The following AMZ2 variants were observed in gnomAD, a reference collection of about 807,000 sequenced individuals.
AMZ2 encodes the protein archaemetzincin-2.
A neutral mutation model predicts 36.7 loss-of-function variants in AMZ2; 26 were observed. The observed-to-expected ratio is 0.71, with a 90% CI of 0.52 to 0.98. The LOEUF is 0.98. AMZ2 is among the 50% of genes least tolerant of loss of function. AMZ2 has a pLI of 0.00. For missense variants in AMZ2, 394 were observed against 430.5 expected (o/e 0.92, Z 0.75); for synonymous variants, 144 against 149.1 (o/e 0.97, Z 0.25).
chr17:68,217,163 A>C (rs1373165166), intron 1 of AMZ2, among the ~76,000 whole-genome samples: 1 of 152,220 alleles, frequency 6.6e-6, no homozygotes. Flanking sequence ...GCATTCAGGG[A>C]AGCAAAATAT....
chr17:68,229,940 A>C (rs2073618338), intron 1 of AMZ2, among the ~76,000 whole-genome samples: 1 of 152,210 alleles, frequency 6.6e-6, no homozygotes, highest in Non-Finnish European at 1.5e-5. Flanking sequence ...CAGGAAAGTA[A>C]GGCCCGTTAC....
intron 1 of AMZ2, chr17:68,207,314 C>CCT (rs1260261069): frequency 6.2e-5 from 1 of 16,140 alleles, no homozygotes; most frequent in African/African-American, 5.0e-4. Context: ...TTGTTAAATA[C>CCT]CCCCCCCCCA....
At chr17:68,209,604 G>GTGTGTATATATATA (rs1324576987) in intron 1 of AMZ2, among the ~76,000 whole-genome samples, 7 of 117,766 alleles carry the variant, frequency 5.9e-5, no homozygotes, top group African/African-American at 2.5e-4. Flanking sequence ...GTGTGTGTGT[G>GTGTGTATATATATA]TATATGTATA....
At chr17:68,212,195 A>G (rs1392716092) in intron 1 of AMZ2, among the ~76,000 whole-genome samples, 1 of 152,020 alleles carries the variant, frequency 6.6e-6, no homozygotes, top group Non-Finnish European at 1.5e-5. Flanking sequence ...ACATATCGAC[A>G]CCCCCTTTTC....
intron 6 of AMZ2, 22 bp from the exon 7 acceptor site, chr17:68,256,792 C>A (rs537501863): frequency 5.6e-6 from 9 of 1,607,094 alleles, no homozygotes; most frequent in Non-Finnish European, 6.8e-6. Context: ...TGTTGAAGTG[C>A]GCATCTTTCA....
At chr17:68,247,812 C>T, upstream of AMZ2, 2 of 985,574 alleles carry the variant, frequency 2.0e-6, no homozygotes, top group Non-Finnish European at 2.4e-6. Context: ...AGCGAGGAAT[C>T]GGCGACTGCG....
chr17:68,230,847 T>C (rs2073642968), intron 1 of AMZ2, among the ~76,000 whole-genome samples: 1 of 152,076 alleles, frequency 6.6e-6, no homozygotes, highest in Admixed American at 6.5e-5. Flanking sequence ...CTCAGTGAAG[T>C]TTTTAGTTTA....
At chr17:68,212,857 C>T (rs1304518365) in intron 1 of AMZ2, among the ~76,000 whole-genome samples, 5 of 152,136 alleles carry the variant, frequency 3.3e-5, no homozygotes, top group African/African-American at 7.2e-5. Context: ...AGTGAGCCAT[C>T]GCACCTGGCC....
chr17:68,211,720 ATATGTATATGTATATATG>A (rs2073054797), intron 1 of AMZ2, among the ~76,000 whole-genome samples: 1 of 140,450 alleles, frequency 7.1e-6, no homozygotes, highest in South Asian at 2.2e-4. Flanking sequence ...ATATGTATAT[ATATGTATATGTATATATG>A]TGTATATGTA....
chr17:68,230,721 G>C (rs1297971582), intron 1 of AMZ2, among the ~76,000 whole-genome samples: 1 of 152,172 alleles, frequency 6.6e-6, no homozygotes, highest in Non-Finnish European at 1.5e-5. Context: ...TGCCATGGGG[G>C]CATCTTGGAG....
At chr17:68,242,264 T>C (rs1555734189) in intron 1 of AMZ2, among the ~76,000 whole-genome samples, 1 of 152,206 alleles carries the variant, frequency 6.6e-6, no homozygotes, top group East Asian at 1.9e-4. Context: ...GTCATTTGTA[T>C]ATTTAGGAAT....
intron 4 of AMZ2, 120 bp downstream of exon 4, chr17:68,251,298 A>G: frequency 2.0e-6 from 2 of 1,012,158 alleles, no homozygotes; most frequent in Non-Finnish European, 2.8e-6. Context: ...TTTTCAGTTG[A>G]GACATTATGC....
At chr17:68,209,283 T>C (rs2072943655) in intron 1 of AMZ2, among the ~76,000 whole-genome samples, 1 of 151,244 alleles carries the variant, frequency 6.6e-6, no homozygotes, top group Non-Finnish European at 1.5e-5. Context: ...AACCTCCACC[T>C]CCTGTGCTTA....
At chr17:68,243,925 G>A (rs372619569), upstream of AMZ2, among the ~76,000 whole-genome samples, 1 of 152,290 alleles carries the variant, frequency 6.6e-6, no homozygotes, top group African/African-American at 2.4e-5. Flanking sequence ...ACCCAGGTAG[G>A]TAACTGGGTT....
chr17:68,210,829 T>C (rs529622950), intron 1 of AMZ2, among the ~76,000 whole-genome samples: 5 of 151,654 alleles, frequency 3.3e-5, no homozygotes, highest in Non-Finnish European at 7.4e-5. Context: ...GTGCCTGTGG[T>C]CCTAGTTACT....
At chr17:68,239,775 A>G (rs1213142156) in intron 1 of AMZ2, among the ~76,000 whole-genome samples, 3 of 150,306 alleles carry the variant, frequency 2.0e-5, no homozygotes. Context: ...GCCTCTGAGA[A>G]TAAGCCACAT....
At chr17:68,215,973 C>G (rs1175562006) in intron 1 of AMZ2, among the ~76,000 whole-genome samples, 7 of 152,086 alleles carry the variant, frequency 4.6e-5, no homozygotes, top group Non-Finnish European at 1.0e-4. Context: ...TTTCAGAGAC[C>G]TGTAAAAAGA....
chr17:68,253,353 A>T (rs1270053568), intron 4 of AMZ2, among the ~76,000 whole-genome samples: 2 of 152,246 alleles, frequency 1.3e-5, no homozygotes, highest in African/African-American at 2.4e-5. Context: ...TAAAAACTGA[A>T]CGAGAGACAT....
At chr17:68,207,913 T>C (rs1434734922) in intron 1 of AMZ2, among the ~76,000 whole-genome samples, 2 of 151,922 alleles carry the variant, frequency 1.3e-5, no homozygotes, top group African/African-American at 4.8e-5. Context: ...CCAGCGTGAG[T>C]TCCCAGTGGG....
Sources: gnomAD v4.1 joint callset for allele counts (sites outside exome capture counted in the v4.1 genomes callset) on GRCh38, gnomAD v4.1.1 for gene constraint, MANE v1.5 for transcripts, NCBI Gene and HGNC (gene_info 2026-07-23, HGNC 2026-07-21) for gene names.